The following RMND1 variants were observed in gnomAD, a reference collection of about 807,000 sequenced individuals.
The protein encoded by RMND1 is required for meiotic nuclear division 1 homolog.
A neutral mutation model predicts 54.0 loss-of-function variants in RMND1; 41 were observed. That is an observed-to-expected ratio of 0.76 (90% CI 0.59 to 0.98). The LOEUF (loss-of-function observed/expected upper bound fraction) is 0.98. Among genes scored for constraint, RMND1 ranks in the 50% least tolerant of loss-of-function variants. RMND1 has a pLI of 0.00. For synonymous variants in RMND1, 183 were observed against 181.7 expected (o/e 1.01, Z -0.06); for missense variants, 457 against 532.0 (o/e 0.86, Z 1.39).
At chr6:151,447,404 T>C (rs1780987890) in intron 1 of RMND1, among the ~76,000 whole-genome samples, 2 of 152,190 alleles carry the variant, frequency 1.3e-5, no homozygotes, top group Non-Finnish European at 2.9e-5. Context: ...ACATGCTAAG[T>C]GCTCGGCTTC....
intron 3 of RMND1, among the ~76,000 whole-genome samples, chr6:151,436,035 G>A (rs548969315): frequency 6.6e-6 from 1 of 151,498 alleles, no homozygotes; most frequent in Admixed American, 6.6e-5. Context: ...AACCTGGGAG[G>A]CGGAAGTTGT....
chr6:151,425,003 C>T (rs574077888), intron 6 of RMND1, among the ~76,000 whole-genome samples: 53 of 152,200 alleles, frequency 3.5e-4, no homozygotes, highest in African/African-American at 1.2e-3. Context: ...AGTGTAGTGG[C>T]GTGATCTTCG....
chr6:151,442,786 T>C (rs1298012621), intron 2 of RMND1, among the ~76,000 whole-genome samples: 4 of 151,832 alleles, frequency 2.6e-5, no homozygotes, highest in African/African-American at 9.7e-5. Context: ...GTGGTCTTTC[T>C]GTGTCAGCCT....
At chr6:151,408,261 A>G (rs1375205859) in intron 10 of RMND1, among the ~76,000 whole-genome samples, 2 of 152,082 alleles carry the variant, frequency 1.3e-5, no homozygotes, top group Admixed American at 6.6e-5. Flanking sequence ...TTGGGAGGCC[A>G]AGGCAGGCGG....
rs140200453 is a variant in RMND1 at position 151,431,797 on chromosome 6, GT to G, written c.689+1357del. Among the ~76,000 whole-genome samples, 363 of 152,158 alleles carry G rather than the reference GT, an allele frequency of 2.4e-3. 2 individuals carry two copies. The highest frequency in any genetic ancestry group is 0.01 in the Middle Eastern group (3 of 294). On this transcript the variant is annotated intron_variant, in intron 4 of 11. Coordinates refer to ENST00000444024, the MANE Select transcript of RMND1 (RefSeq NM_017909.4). ...TATGCTGGGTTGAATAAAATACATT[GT>G]TAAATTAATTTCATGTTAATATGTT...
In RMND1 at chr6:151,422,509, T is replaced by A. The variant is rs765203461; in HGVS notation, c.1002+32A>T. On this transcript the variant is annotated intron_variant, in intron 8 of 11. Transcript: ENST00000444024. ...CATATTTTTTACATATAAAAATCAA[T>A]CCTTGAATAAGCATAAAATTGATAT... is the stretch of plus-strand genomic sequence containing the variant. 1.7e-5 allele frequency: 18 copies of A among 1,069,898 alleles called. No individual in the cohort carries two copies. In the African/African-American group the frequency reaches 2.8e-4, roughly 16 times the overall value. 66.3% of individuals were successfully genotyped at this position (1,069,898 alleles called of 1,614,324 possible).
chr6:151,419,957 C>G (rs780966261), intron 9 of RMND1, among the ~76,000 whole-genome samples: 2 of 146,642 alleles, frequency 1.4e-5, no homozygotes, highest in Non-Finnish European at 3.0e-5. Context: ...TGGGATCATA[C>G]CCTATATAAA....
At chr6:151,427,006 G>A (rs964036765) in intron 6 of RMND1, among the ~76,000 whole-genome samples, 10 of 151,880 alleles carry the variant, frequency 6.6e-5, no homozygotes, top group Admixed American at 1.3e-4. Context: ...CCTGACCTCA[G>A]GTAATCCACC....
intron 2 of RMND1, among the ~76,000 whole-genome samples, chr6:151,439,183 T>C (rs56016840): frequency 0.013 from 1,968 of 152,334 alleles, 42 homozygotes; most frequent in African/African-American, 0.045. Context: ...TACAGTGATG[T>C]ATTAACTAAA....
At chr6:151,423,755 A>C in intron 6 of RMND1, 124 bp from the exon 7 acceptor site, 1 of 689,284 alleles carries the variant, frequency 1.5e-6, no homozygotes, top group Non-Finnish European at 2.6e-6. Flanking sequence ...AGTGTTACAA[A>C]TGTTCTCATA....
chr6:151,412,076 T>TTG (rs1779855686), intron 10 of RMND1, among the ~76,000 whole-genome samples: 1 of 152,200 alleles, frequency 6.6e-6, no homozygotes, highest in Non-Finnish European at 1.5e-5. Flanking sequence ...CTTGGCTCAC[T>TTG]GCAACCTCTG....
At chr6:151,442,895 T>C (rs1215590811) in intron 2 of RMND1, among the ~76,000 whole-genome samples, 1 of 152,012 alleles carries the variant, frequency 6.6e-6, no homozygotes, top group African/African-American at 2.4e-5. Context: ...CAGATTATGA[T>C]CTCTGAAAAT....
chr6:151,427,418 C>T, intron 6 of RMND1, 64 bp downstream of exon 6: 1 of 971,026 alleles, frequency 1.0e-6, no homozygotes, highest in South Asian at 1.4e-5. Flanking sequence ...AATTTGTCTC[C>T]TCTATTGCTT....
intron 1 of RMND1, among the ~76,000 whole-genome samples, chr6:151,450,949 G>A (rs376814440): frequency 3.9e-5 from 6 of 152,124 alleles, no homozygotes; most frequent in Non-Finnish European, 8.8e-5. Flanking sequence ...ACTCAGAGTT[G>A]AATGGATTAA....
chr6:151,420,107 A>C (rs780110044), intron 9 of RMND1, among the ~76,000 whole-genome samples: 1 of 152,232 alleles, frequency 6.6e-6, no homozygotes, highest in Non-Finnish European at 1.5e-5. Flanking sequence ...TATAGAAACT[A>C]TTCACAAACC....
intron 2 of RMND1, among the ~76,000 whole-genome samples, chr6:151,439,579 G>A (rs898762770): frequency 6.6e-6 from 1 of 152,214 alleles, no homozygotes; most frequent in African/African-American, 2.4e-5. Flanking sequence ...GCTGGCAACT[G>A]TCCCATATAC....
At chr6:151,440,409 T>C (rs1460354765) in intron 2 of RMND1, among the ~76,000 whole-genome samples, 1 of 152,246 alleles carries the variant, frequency 6.6e-6, no homozygotes, top group Non-Finnish European at 1.5e-5. Flanking sequence ...ATTGAGAATG[T>C]GTACTATTTT....
intron 8 of RMND1, among the ~76,000 whole-genome samples, chr6:151,421,833 G>A (rs1385156365): frequency 1.3e-5 from 2 of 151,988 alleles, no homozygotes; most frequent in Non-Finnish European, 2.9e-5. Flanking sequence ...TACTGCAACT[G>A]ACGGGCATGG....
intron 3 of RMND1, 30 bp downstream of exon 3, chr6:151,436,412 TAACA>T: frequency 6.2e-7 from 1 of 1,612,590 alleles, no homozygotes; most frequent in South Asian, 1.1e-5. Flanking sequence ...CAATACATTT[TAACA>T]TACTTGGCCC....
Sources: allele counts gnomAD v4.1 joint callset (sites outside exome capture counted in the v4.1 genomes callset), GRCh38; gene constraint gnomAD v4.1.1; transcripts MANE v1.5; gene names NCBI Gene and HGNC (gene_info 2026-07-23, HGNC 2026-07-21).